The following DNAI1 variants were observed in gnomAD, a reference collection of about 807,000 sequenced individuals.
DNAI1 encodes dynein, axonemal, intermediate polypeptide 1.
In DNAI1, 67 loss-of-function variants were observed where a neutral mutation model predicts 92.0. The ratio of observed to expected loss-of-function variants is 0.73; its 90% CI spans 0.60 to 0.89. The LOEUF (loss-of-function observed/expected upper bound fraction) is 0.89, where lower values mean the gene tolerates loss of function less well. Among genes scored for constraint, DNAI1 ranks in the 40% least tolerant of loss-of-function variants. The pLI, the probability that DNAI1 is intolerant of heterozygous loss-of-function variation, is 0.00. For missense variants in DNAI1, 839 were observed against 866.6 expected (o/e 0.97, Z 0.40); for synonymous variants, 323 against 319.6 (o/e 1.01, Z -0.11).
chr9:34,477,410 G>A (rs573278792), intron 1 of DNAI1, among the ~76,000 whole-genome samples: 7 of 152,144 alleles, frequency 4.6e-5, no homozygotes, highest in Non-Finnish European at 4.4e-5. Context: ...AATAATGATA[G>A]TTCATACTCC....
At chr9:34,483,249 G>A (rs2132055676) in intron 1 of DNAI1, among the ~76,000 whole-genome samples, 199 bp from the exon 2 acceptor site, 1 of 152,358 alleles carries the variant, frequency 6.6e-6, no homozygotes, top group Non-Finnish European at 1.5e-5. Flanking sequence ...GGGCTGAAGG[G>A]CTCCTCAAAT....
At chr9:34,492,536 T>TATATATA (rs1824631068) in intron 8 of DNAI1, among the ~76,000 whole-genome samples, 2 of 52,260 alleles carry the variant, frequency 3.8e-5, no homozygotes, top group Non-Finnish European at 9.6e-5. Context: ...ATATATATAT[T>TATATATA]TGAGACAAGG....
chr9:34,475,249 A>G (rs755055766), intron 1 of DNAI1, among the ~76,000 whole-genome samples: 7 of 152,198 alleles, frequency 4.6e-5, no homozygotes, highest in Non-Finnish European at 8.8e-5. Context: ...AATTTAGCTT[A>G]ATGGAAACCT....
chr9:34,466,732 A>G (rs1414328442), intron 1 of DNAI1, among the ~76,000 whole-genome samples: 1 of 152,254 alleles, frequency 6.6e-6, no homozygotes, highest in Non-Finnish European at 1.5e-5. Flanking sequence ...ATAGGGACCA[A>G]CTACTTTCTC....
chr9:34,517,545 G>A (rs1163152991), intron 19 of DNAI1, 78 bp downstream of exon 19: 8 of 1,559,246 alleles, frequency 5.1e-6, no homozygotes, highest in Non-Finnish European at 6.2e-6. Context: ...GGAGAAGCCA[G>A]GGTGACCACC....
At chr9:34,496,444 C>T (rs1317488860) in intron 9 of DNAI1, among the ~76,000 whole-genome samples, 1 of 152,230 alleles carries the variant, frequency 6.6e-6, no homozygotes, top group African/African-American at 2.4e-5. Context: ...CCAAGCACCT[C>T]ATCTTGGGGA....
At chr9:34,514,946 A>G (rs1346019842) in intron 18 of DNAI1, among the ~76,000 whole-genome samples, 1 of 152,200 alleles carries the variant, frequency 6.6e-6, no homozygotes, top group Non-Finnish European at 1.5e-5. Context: ...GAGGAAACAG[A>G]GCTGTTCACC....
chr9:34,517,364 C>G lies in DNAI1; in HGVS notation c.1898C>G (p.Thr633Ser). 8 of 1,614,178 alleles carry G rather than the reference C, an allele frequency of 5.0e-6. No individual in the cohort carries two copies. The highest frequency in any genetic ancestry group is 5.9e-6 in the Non-Finnish European group (7 of 1,180,034). Residue 633 changes from threonine to serine, a missense_variant, in exon 19 of 20, where the codon ACC becomes AGC. Thr to Ser is a moderately conservative substitution (Grantham distance 58). Coordinates refer to ENST00000242317, the MANE Select transcript of DNAI1 (RefSeq NM_012144.4). ...QPVAAKKNRL[T>S]HVQFNLIHPI... ...GTGGCGGCCAAAAAGAACAGGCTCACCCACGTGCAGTTCAATCTCATCCAC... is the reference window on the plus strand; with the variant it reads ...GTGGCGGCCAAAAAGAACAGGCTCAGCCACGTGCAGTTCAATCTCATCCAC...
intron 18 of DNAI1, 141 bp from the exon 19 acceptor site, chr9:34,517,144 C>A (rs1318623744): frequency 1.2e-6 from 1 of 836,352 alleles, no homozygotes; most frequent in East Asian, 2.7e-5. Context: ...ACACAAAATT[C>A]CCCCTCCCTC....
At chr9:34,485,012 T>A (rs993992256) in intron 2 of DNAI1, 130 bp from the exon 3 acceptor site, 5 of 871,782 alleles carry the variant, frequency 5.7e-6, no homozygotes, top group Non-Finnish European at 9.6e-6. Flanking sequence ...AGTGGTATGT[T>A]ATACATTTTG....
chr9:34,512,351 C>T lies in DNAI1; in HGVS notation c.1416C>T (p.His472=). The change falls in exon 15 of 20, where the codon CAC becomes CAT. Residue 472 remains histidine, a synonymous_variant. Coordinates refer to ENST00000242317, the MANE Select transcript of DNAI1 (RefSeq NM_012144.4). ...SWTLVKRKLV[H]IDVIKLKVEG... ...TGTGGCTACAGAGAAAGCTGGTTCA[C>T]ATAGATGTCATCAAGCTGAAGGTGG... 6.2e-7 allele frequency: 1 copy of T among 1,614,112 alleles called. No homozygotes were observed. The highest frequency in any genetic ancestry group is 8.5e-7 in the Non-Finnish European group (1 of 1,180,010).
intron 1 of DNAI1, among the ~76,000 whole-genome samples, chr9:34,481,097 C>T (rs1018723471): frequency 1.9e-4 from 29 of 151,578 alleles, no homozygotes; most frequent in African/African-American, 6.6e-4. Context: ...AAAAATTAGC[C>T]GGGCGTGGTG....
At chr9:34,507,713 C>T (rs1824966223) in intron 13 of DNAI1, among the ~76,000 whole-genome samples, 1 of 152,210 alleles carries the variant, frequency 6.6e-6, no homozygotes, top group Admixed American at 6.5e-5. Flanking sequence ...GCCATCTGGG[C>T]TAGATTTGGG....
At chr9:34,467,440 T>C (rs1354332851) in intron 1 of DNAI1, among the ~76,000 whole-genome samples, 1 of 137,374 alleles carries the variant, frequency 7.3e-6, no homozygotes, top group African/African-American at 2.8e-5. Context: ...TCTACACAAA[T>C]ACACACACAC....
intron 10 of DNAI1, 62 bp downstream of exon 10, chr9:34,497,261 T>C: frequency 7.8e-7 from 1 of 1,282,606 alleles, no homozygotes. Flanking sequence ...TCATAAAAGC[T>C]TGGGTTATTT....
rs551082660 is a variant in DNAI1 at position 34,475,212 on chromosome 9, C to T, written c.49-8236C>T. ...GCTTTTAACCTTTTAGAAACGGAAA[C>T]GGCAAGCTGGTGAGGTATTTAGTTT... On this transcript the variant is annotated intron_variant, in intron 1 of 19. Transcript: ENST00000242317. Among the ~76,000 whole-genome samples, 4 of 152,116 alleles carry T rather than the reference C, an allele frequency of 2.6e-5. No homozygotes were observed. The East Asian group carries it at 7.7e-4, about 29-fold the overall frequency.
chr9:34,491,145 G>A (rs1824582908), intron 7 of DNAI1, among the ~76,000 whole-genome samples: 1 of 152,222 alleles, frequency 6.6e-6, no homozygotes, highest in Non-Finnish European at 1.5e-5. Context: ...CTCAGGGCAA[G>A]GGGTGTTAGT....
chr9:34,500,071 A>G (rs993611492), intron 10 of DNAI1, among the ~76,000 whole-genome samples: 1 of 152,178 alleles, frequency 6.6e-6, no homozygotes, highest in African/African-American at 2.4e-5. Context: ...AATTAAAAAG[A>G]TAGAAGAAAA....
chr9:34,477,316 T>G (rs1564028913), intron 1 of DNAI1, among the ~76,000 whole-genome samples: 1 of 152,192 alleles, frequency 6.6e-6, no homozygotes, highest in Non-Finnish European at 1.5e-5. Context: ...AGATAGTGAT[T>G]AAGAGTTTGG....
Sources: gnomAD v4.1 joint callset for allele counts (sites outside exome capture counted in the v4.1 genomes callset) on GRCh38, gnomAD v4.1.1 for gene constraint, MANE v1.5 for transcripts, NCBI Gene and HGNC (gene_info 2026-07-23, HGNC 2026-07-21) for gene names.